Variants in DIAPH3 observed in about 807,000 individuals in gnomAD.
The protein encoded by DIAPH3 is diaphanous related formin 3.
In DIAPH3, 117 loss-of-function variants were observed where a neutral mutation model predicts 144.3. The ratio of observed to expected loss-of-function variants is 0.81; its 90% CI spans 0.70 to 0.95. The LOEUF is 0.95. Among genes scored for constraint, DIAPH3 ranks in the 40% least tolerant of loss-of-function variants. The pLI is 0.00. For synonymous variants in DIAPH3, 519 were observed against 488.9 expected (o/e 1.06, Z -0.81); for missense variants, 1,421 against 1,412.7 (o/e 1.01, Z -0.09).
intron 4 of DIAPH3, among the ~76,000 whole-genome samples, chr13:60,047,355 A>C (rs1168756035): frequency 2.5e-4 from 38 of 152,164 alleles, no homozygotes; most frequent in Admixed American, 2.5e-3. Context: ...ACATTCTAAA[A>C]TTTATATGAA....
chr13:59,687,655 G>A lies in DIAPH3; in HGVS notation c.3320-20809C>T, dbSNP rs557425599. Among the ~76,000 whole-genome samples, 7 of 152,058 alleles carry A rather than the reference G, an allele frequency of 4.6e-5. No homozygotes were observed. In the South Asian group the frequency reaches 1.5e-3, roughly 32 times the overall value. ...ATTGAAAAAACTCAGAGAATGTTAGGATAAATTTTAAACAATTATAACTTG... is the reference window on the plus strand; with the variant it reads ...ATTGAAAAAACTCAGAGAATGTTAGAATAAATTTTAAACAATTATAACTTG... On this transcript the variant is annotated intron_variant, in intron 27 of 27. Transcript: ENST00000400324.
At chr13:59,716,393 T>A (rs537516988) in intron 27 of DIAPH3, among the ~76,000 whole-genome samples, 1 of 152,192 alleles carries the variant, frequency 6.6e-6, no homozygotes, top group Non-Finnish European at 1.5e-5. Context: ...GCCAGGATGG[T>A]CTCGATCTCC....
intron 27 of DIAPH3, among the ~76,000 whole-genome samples, chr13:59,701,018 T>C (rs2034081901): frequency 6.6e-6 from 1 of 152,220 alleles, no homozygotes; most frequent in Admixed American, 6.5e-5. Context: ...AGATTTGGTA[T>C]ATCAGTCTTT....
At chr13:59,844,109 A>G (rs1449720864) in intron 22 of DIAPH3, among the ~76,000 whole-genome samples, 1 of 151,696 alleles carries the variant, frequency 6.6e-6, no homozygotes, top group Non-Finnish European at 1.5e-5. Flanking sequence ...AGAACTTAAA[A>G]AAAAAAAAAA....
chr13:59,946,073 T>C (rs970339612), intron 17 of DIAPH3, among the ~76,000 whole-genome samples: 2 of 152,076 alleles, frequency 1.3e-5, no homozygotes, highest in Non-Finnish European at 2.9e-5. Flanking sequence ...ATAACCCAAA[T>C]ATGTCAAATG....
At chr13:59,795,890 C>G (rs529242239) in intron 25 of DIAPH3, among the ~76,000 whole-genome samples, 1 of 152,248 alleles carries the variant, frequency 6.6e-6, no homozygotes, top group African/African-American at 2.4e-5. Flanking sequence ...CACCCGCTTG[C>G]CAGCCATCTT....
At chr13:59,986,628 G>GA (rs919227656) in intron 12 of DIAPH3, among the ~76,000 whole-genome samples, 20 of 111,040 alleles carry the variant, frequency 1.8e-4, no homozygotes, top group Non-Finnish European at 2.7e-4. Context: ...AAATTTACAA[G>GA]AAAAAAACAA....
intron 21 of DIAPH3, among the ~76,000 whole-genome samples, chr13:59,866,127 T>C (rs1326183840): frequency 6.6e-6 from 1 of 151,936 alleles, no homozygotes. Context: ...CTGTGAATAA[T>C]ATTAATGCTG....
At chr13:60,118,151 CTGAG>C (rs1483798341) in intron 2 of DIAPH3, among the ~76,000 whole-genome samples, 1 of 151,962 alleles carries the variant, frequency 6.6e-6, no homozygotes, top group African/African-American at 2.4e-5. Context: ...GAGCACCCTA[CTGAG>C]TATTATCTCA....
intron 27 of DIAPH3, among the ~76,000 whole-genome samples, chr13:59,690,756 C>T (rs2033471492): frequency 6.6e-6 from 1 of 152,134 alleles, no homozygotes; most frequent in East Asian, 1.9e-4. Flanking sequence ...TTGCTTAATT[C>T]ATGCAATTGA....
intron 4 of DIAPH3, among the ~76,000 whole-genome samples, chr13:60,045,604 G>A (rs1167183896): frequency 1.3e-5 from 2 of 152,092 alleles, no homozygotes; most frequent in Non-Finnish European, 2.9e-5. Context: ...CAAGTAGGTT[G>A]TTTACAATTT....
At chr13:59,829,535 A>C (rs2041662733) in intron 24 of DIAPH3, among the ~76,000 whole-genome samples, 1 of 151,926 alleles carries the variant, frequency 6.6e-6, no homozygotes, top group African/African-American at 2.4e-5. Flanking sequence ...TACCACATTT[A>C]GTTGCTACTA....
At chr13:59,996,301 C>T (rs79419947) in intron 9 of DIAPH3, among the ~76,000 whole-genome samples, 403 of 152,160 alleles carry the variant, frequency 2.6e-3, no homozygotes, top group African/African-American at 9.0e-3. Context: ...GAAGTAACTG[C>T]TCCTTTATCT....
chr13:59,671,494 G>C (rs2138589933), intron 27 of DIAPH3, among the ~76,000 whole-genome samples: 1 of 152,240 alleles, frequency 6.6e-6, no homozygotes, highest in East Asian at 1.9e-4. Context: ...TTGAATCCTA[G>C]GCCTTTTTTT....
intron 4 of DIAPH3, among the ~76,000 whole-genome samples, chr13:60,057,628 T>C (rs1045696353): frequency 2.6e-5 from 4 of 151,832 alleles, no homozygotes; most frequent in African/African-American, 9.7e-5. Context: ...AGGCATCACG[T>C]TATCTGACTT....
chr13:59,856,185 A>G (rs1199483849), intron 22 of DIAPH3, among the ~76,000 whole-genome samples: 1 of 152,206 alleles, frequency 6.6e-6, no homozygotes, highest in African/African-American at 2.4e-5. Flanking sequence ...TGATATTTCT[A>G]AATTGATTAC....
chr13:59,868,383 C>A (rs1182448260), intron 21 of DIAPH3, among the ~76,000 whole-genome samples: 2 of 151,848 alleles, frequency 1.3e-5, no homozygotes, highest in Admixed American at 6.6e-5. Context: ...GTTTTTTAAC[C>A]CTTATTAATA....
intron 20 of DIAPH3, among the ~76,000 whole-genome samples, chr13:59,896,467 A>G (rs1490274378): frequency 6.6e-6 from 1 of 152,122 alleles, no homozygotes; most frequent in Non-Finnish European, 1.5e-5. Context: ...AGGAATGCAG[A>G]GTAAGATTTT....
chr13:59,810,334 A>G (rs1455906964), intron 25 of DIAPH3, among the ~76,000 whole-genome samples: 1 of 152,094 alleles, frequency 6.6e-6, no homozygotes, highest in African/African-American at 2.4e-5. Flanking sequence ...ATACATTACA[A>G]TTGGCTGATA....
Sources: gnomAD v4.1 joint callset for allele counts (sites outside exome capture counted in the v4.1 genomes callset) on GRCh38, gnomAD v4.1.1 for gene constraint, MANE v1.5 for transcripts, NCBI Gene and HGNC (gene_info 2026-07-23, HGNC 2026-07-21) for gene names.